AGMO: variants seen among roughly 807,000 people sequenced by gnomAD.
The protein encoded by AGMO is alkylglycerol monooxygenase.
A neutral mutation model predicts 60.2 loss-of-function variants in AGMO; 75 were observed. That is an observed-to-expected ratio of 1.25 (90% CI 1.03 to 1.51). The LOEUF is 1.51. Among genes scored for constraint, AGMO ranks in the 40% most tolerant of loss-of-function variants. The probability of loss-of-function intolerance (pLI) is 0.00; values close to 1 mark genes in which losing one functional copy is unlikely to be tolerated. For missense variants in AGMO, 763 were observed against 525.5 expected (o/e 1.45, Z -4.42); for synonymous variants, 261 against 177.1 (o/e 1.47, Z -3.76).
intron 12 of AGMO, among the ~76,000 whole-genome samples, chr7:15,249,427 T>C (rs950429606): frequency 6.6e-6 from 1 of 152,164 alleles, no homozygotes; most frequent in African/African-American, 2.4e-5. Context: ...TACCTATAGA[T>C]AGATGAAAAA....
chr7:15,231,715 G>A (rs2128499633), intron 12 of AGMO, among the ~76,000 whole-genome samples: 1 of 152,250 alleles, frequency 6.6e-6, no homozygotes, highest in Non-Finnish European at 1.5e-5. Flanking sequence ...TATTTGTAAG[G>A]ATAATGTTAC....
rs531192159 is a variant in AGMO, at chr7:15,276,488, T to C, written c.1264-75129A>G. Among the ~76,000 whole-genome samples the C allele has an allele frequency of 9.8e-5, 15 of 152,290 alleles. No homozygotes were observed. In the South Asian group the frequency reaches 3.1e-3, roughly 32 times the overall value. ...GATTTTTTTTCTTTCAGGTTGACTT[T>C]GAATAATCTGATGACTGTTTTCCTT... On this transcript the variant is annotated intron_variant, in intron 12 of 12. Transcript: ENST00000342526.
At chr7:15,505,861 T>A (rs773392008) in intron 3 of AGMO, among the ~76,000 whole-genome samples, 3 of 152,078 alleles carry the variant, frequency 2.0e-5, no homozygotes, top group Non-Finnish European at 4.4e-5. Flanking sequence ...CAAAAATTAC[T>A]ATCAGATGAG....
intron 12 of AGMO, among the ~76,000 whole-genome samples, chr7:15,214,104 G>C (rs1781669549): frequency 6.6e-6 from 1 of 151,846 alleles, no homozygotes; most frequent in Admixed American, 6.6e-5. Flanking sequence ...CATAAAGGAG[G>C]GAGAGAGACA....
intron 12 of AGMO, among the ~76,000 whole-genome samples, chr7:15,317,505 G>A (rs1439314731): frequency 1.3e-5 from 2 of 152,032 alleles, no homozygotes; most frequent in African/African-American, 2.4e-5. Context: ...ACGTTGTTGG[G>A]TATAATATCA....
chr7:15,276,782 GT>G (rs1783804398), intron 12 of AGMO, among the ~76,000 whole-genome samples: 1 of 151,326 alleles, frequency 6.6e-6, no homozygotes, highest in Non-Finnish European at 1.5e-5. Context: ...TGAAAGACTA[GT>G]TTTCAAGTTC....
At chr7:15,318,779 C>T (rs1781017714) in intron 12 of AGMO, among the ~76,000 whole-genome samples, 1 of 151,932 alleles carries the variant, frequency 6.6e-6, no homozygotes, top group Non-Finnish European at 1.5e-5. Flanking sequence ...TTGTTTTTAT[C>T]AATCCTCTTT....
At chr7:15,186,244 A>T in the AGMO span, among the ~76,000 whole-genome samples, 52,657 of 152,184 alleles carry the variant, frequency 0.35, 10,299 homozygotes, top group Middle Eastern at 0.48. Context: ...AATACAAAGG[A>T]CCACTGCAAG....
At chr7:15,517,982 T>G (rs1473745620) in intron 3 of AGMO, among the ~76,000 whole-genome samples, 1 of 151,980 alleles carries the variant, frequency 6.6e-6, no homozygotes, top group Non-Finnish European at 1.5e-5. Context: ...CGAGCTTGGT[T>G]GGGGGAGGGG....
At chr7:15,547,973 A>G (rs1185723869) in intron 2 of AGMO, among the ~76,000 whole-genome samples, 1 of 146,816 alleles carries the variant, frequency 6.8e-6, no homozygotes, top group Non-Finnish European at 1.6e-5. Flanking sequence ...AGATCTGAGA[A>G]CAGGCAGACT....
intron 3 of AGMO, among the ~76,000 whole-genome samples, chr7:15,509,377 A>AT (rs1010428161): frequency 5.0e-4 from 76 of 151,788 alleles, no homozygotes; most frequent in Middle Eastern, 3.4e-3. Flanking sequence ...CATGCAAAAA[A>AT]AAAAATAAAA....
At chr7:15,347,101 G>A (rs1396147644) in intron 12 of AGMO, among the ~76,000 whole-genome samples, 1 of 151,974 alleles carries the variant, frequency 6.6e-6, no homozygotes, top group Non-Finnish European at 1.5e-5. Flanking sequence ...AAATGACTCT[G>A]TGAAACATTC....
rs1362365711 is a variant in AGMO at position 15,401,187 on chromosome 7, T to C, written c.610-7008A>G. Among the ~76,000 whole-genome samples, 10 of 151,908 alleles carry C rather than the reference T, an allele frequency of 6.6e-5. No homozygotes were observed. The East Asian group carries it at 1.7e-3, about 26-fold the overall frequency. On this transcript the variant is annotated intron_variant, in intron 5 of 12. Coordinates refer to ENST00000342526, the MANE Select transcript of AGMO (RefSeq NM_001004320.2). ...GTGTCTTGTGTCTTTCCCATTTAAA[T>C]TGAAAAATACTTTAGAGTTGAATTC... is the stretch of plus-strand genomic sequence containing the variant.
chr7:15,186,784 C>T, the AGMO span, among the ~76,000 whole-genome samples: 7 of 152,144 alleles, frequency 4.6e-5, no homozygotes, highest in Non-Finnish European at 8.8e-5. Context: ...CTGCCGCCAC[C>T]GCCCCCACAT....
At chr7:15,229,722 A>AATTATT (rs1782199525) in intron 12 of AGMO, among the ~76,000 whole-genome samples, 1 of 121,238 alleles carries the variant, frequency 8.2e-6, no homozygotes, top group South Asian at 2.4e-4. Flanking sequence ...ATTATATTAT[A>AATTATT]TATAAATTAT....
At chr7:15,245,148 G>A (rs1257328566) in intron 12 of AGMO, among the ~76,000 whole-genome samples, 1 of 152,134 alleles carries the variant, frequency 6.6e-6, no homozygotes, top group Non-Finnish European at 1.5e-5. Context: ...TAGTAGATTA[G>A]GGTATTGTAC....
chr7:15,361,043 T>G (rs1055913738), intron 12 of AGMO, among the ~76,000 whole-genome samples: 4 of 152,206 alleles, frequency 2.6e-5, no homozygotes, highest in Non-Finnish European at 5.9e-5. Context: ...TAAAGAATCC[T>G]GGTTTCTGGA....
At chr7:15,416,235 T>A (rs1024907432) in intron 5 of AGMO, among the ~76,000 whole-genome samples, 2 of 152,030 alleles carry the variant, frequency 1.3e-5, no homozygotes, top group African/African-American at 4.8e-5. Context: ...GGTTTCACCA[T>A]GTTGGCCAGG....
At chr7:15,277,757 G>A (rs1225161063) in intron 12 of AGMO, among the ~76,000 whole-genome samples, 1 of 152,190 alleles carries the variant, frequency 6.6e-6, no homozygotes, top group East Asian at 1.9e-4. Flanking sequence ...TTACCATCAA[G>A]TGCTCTCTGC....
Sources: gnomAD v4.1 joint callset for allele counts (sites outside exome capture counted in the v4.1 genomes callset) on GRCh38, gnomAD v4.1.1 for gene constraint, MANE v1.5 for transcripts, NCBI Gene and HGNC (gene_info 2026-07-23, HGNC 2026-07-21) for gene names.